PCDH15: variants seen among roughly 807,000 people sequenced by gnomAD.
PCDH15 encodes protocadherin-15.
Under a neutral mutation model 178.5 loss-of-function variants are expected in PCDH15, and 129 were observed. The observed-to-expected ratio is 0.72, with a 90% CI of 0.63 to 0.84. The LOEUF is 0.84. PCDH15 is among the 40% of genes least tolerant of loss of function. The probability of loss-of-function intolerance (pLI) is 0.00; values close to 1 mark genes in which losing one functional copy is unlikely to be tolerated. For missense variants in PCDH15, 2,230 were observed against 2,099.9 expected (o/e 1.06, Z -1.21); for synonymous variants, 800 against 732.0 (o/e 1.09, Z -1.50).
At chr10:54,200,264 G>A (rs1204937744) in intron 10 of PCDH15, among the ~76,000 whole-genome samples, 1 of 124,280 alleles carries the variant, frequency 8.0e-6, no homozygotes, top group South Asian at 2.7e-4. Context: ...CATCTACAGA[G>A]CCCACTTTTT....
chr10:55,580,356 T>A lies in PCDH15; in HGVS notation c.-156+47269A>T, dbSNP rs369976534. ...TATGGCTTCTTCATTTTTTTTATTTTTTTATTTTTTTTTTTTTTTGAGACG... is the reference window on the plus strand; with the variant it reads ...TATGGCTTCTTCATTTTTTTTATTTATTTATTTTTTTTTTTTTTTGAGACG... On this transcript the variant is annotated intron_variant, in intron 2 of 5. Transcript: ENST00000613346. Among the ~76,000 whole-genome samples, 185 of 139,134 alleles carry A rather than the reference T, an allele frequency of 1.3e-3. 1 individual carries two copies. The highest frequency in any genetic ancestry group is 4.0e-3 in the African/African-American group (156 of 38,896). The allele number at this position is 139,134 out of a possible 152,430, so 91.3% of individuals were successfully genotyped here. A position where few individuals can be genotyped will look rare whatever the true frequency, so the allele number is the denominator to read the frequency against.
rs530246771 is a variant in PCDH15, at chr10:53,923,320, T to TGATTAATTG, written c.3373+15486_3373+15494dup. ...AAAGGGATAAGAACAGGAACAAGAT[T>TGATTAATTG]GATTAATTGAACTTACGAAAGTTCC... On this transcript the variant is annotated intron_variant, in intron 25 of 37. Coordinates refer to ENST00000644397, the MANE Select transcript of PCDH15 (RefSeq NM_001384140.1). Among the ~76,000 whole-genome samples, 61 of 152,268 alleles carry TGATTAATTG rather than the reference T, an allele frequency of 4.0e-4. 1 individual carries two copies. In the South Asian group the frequency reaches 0.011, roughly 28 times the overall value.
At chr10:54,884,236 A>G (rs751809017) in intron 3 of PCDH15, among the ~76,000 whole-genome samples, 3 of 152,000 alleles carry the variant, frequency 2.0e-5, no homozygotes, top group Non-Finnish European at 2.9e-5. Flanking sequence ...CCTTTGTTAG[A>G]TAAGTAGTTT....
chr10:55,241,352 T>C (rs547530423), intron 1 of PCDH15, among the ~76,000 whole-genome samples: 72 of 152,342 alleles, frequency 4.7e-4, no homozygotes, highest in Non-Finnish European at 7.8e-4. Context: ...TTTGAGCATT[T>C]ATCACCATTA....
chr10:53,941,023 G>T, intron 23 of PCDH15, 48 bp from the exon 24 acceptor site: 2 of 1,326,824 alleles, frequency 1.5e-6, no homozygotes, highest in African/African-American at 1.5e-5. Context: ...TATAATTTTT[G>T]ATGTAACTTT....
chr10:55,061,849 G>A (rs1025737101), intron 2 of PCDH15, among the ~76,000 whole-genome samples: 2 of 151,968 alleles, frequency 1.3e-5, no homozygotes. Context: ...GTGAAACCCC[G>A]ACTCTACTAA....
intron 15 of PCDH15, among the ~76,000 whole-genome samples, chr10:54,127,030 T>G (rs1298007357): frequency 6.6e-6 from 1 of 152,150 alleles, no homozygotes; most frequent in African/African-American, 2.4e-5. Context: ...ATATTTCAAG[T>G]AAATTATTGT....
intron 1 of PCDH15, among the ~76,000 whole-genome samples, chr10:55,196,765 C>T (rs117505002): frequency 8.7e-4 from 132 of 152,018 alleles, no homozygotes; most frequent in Admixed American, 1.8e-3. Context: ...TCCATACGGA[C>T]GAGTTTTGTC....
At chr10:55,503,557 C>T (rs893147184) in intron 2 of PCDH15, among the ~76,000 whole-genome samples, 1 of 151,028 alleles carries the variant, frequency 6.6e-6, no homozygotes, top group African/African-American at 2.4e-5. Context: ...CAGAGGACAA[C>T]ATTGAAGATA....
At chr10:54,884,425 A>G (rs541649067) in intron 3 of PCDH15, among the ~76,000 whole-genome samples, 1 of 152,122 alleles carries the variant, frequency 6.6e-6, no homozygotes, top group East Asian at 1.9e-4. Context: ...CACTTAAAAT[A>G]AAAAATCAAA....
intron 2 of PCDH15, among the ~76,000 whole-genome samples, chr10:55,564,755 C>T (rs990414687): frequency 2.0e-5 from 3 of 151,644 alleles, no homozygotes; most frequent in African/African-American, 7.2e-5. Flanking sequence ...TGTTAAAAGG[C>T]TGCAAGAGTC....
chr10:54,735,838 G>A (rs1206808941), intron 1 of PCDH15, among the ~76,000 whole-genome samples: 2 of 121,220 alleles, frequency 1.6e-5, no homozygotes, highest in Non-Finnish European at 3.4e-5. Flanking sequence ...GACACAGGAA[G>A]GGGAATATCA....
At chr10:55,347,098 C>T (rs1844782717) in intron 2 of PCDH15, among the ~76,000 whole-genome samples, 1 of 151,952 alleles carries the variant, frequency 6.6e-6, no homozygotes, top group African/African-American at 2.4e-5. Flanking sequence ...ACCTGTAGTC[C>T]CAGCTACTTG....
chr10:55,008,855 G>T (rs1469617663), intron 2 of PCDH15, among the ~76,000 whole-genome samples: 1 of 151,022 alleles, frequency 6.6e-6, no homozygotes, highest in East Asian at 2.0e-4. Context: ...AGCTACAGTG[G>T]TTACTGCTGC....
At chr10:55,104,862 A>G (rs1331666312) in intron 2 of PCDH15, among the ~76,000 whole-genome samples, 1 of 152,208 alleles carries the variant, frequency 6.6e-6, no homozygotes, top group African/African-American at 2.4e-5. Context: ...AATATGCAAG[A>G]ACTTCAGGAG....
intron 29 of PCDH15, among the ~76,000 whole-genome samples, chr10:53,836,040 G>A (rs895354477): frequency 8.5e-5 from 13 of 152,132 alleles, no homozygotes; most frequent in African/African-American, 3.1e-4. Flanking sequence ...AGGAGGAAGT[G>A]TGCCCATCCC....
intron 2 of PCDH15, among the ~76,000 whole-genome samples, chr10:55,460,733 G>T (rs775499623): frequency 6.6e-6 from 1 of 152,018 alleles, no homozygotes; most frequent in Non-Finnish European, 1.5e-5. Flanking sequence ...CTCATTATGG[G>T]TCATATGTTC....
chr10:54,836,483 C>A (rs1055902854), intron 3 of PCDH15, among the ~76,000 whole-genome samples: 1 of 152,008 alleles, frequency 6.6e-6, no homozygotes, highest in Non-Finnish European at 1.5e-5. Context: ...AAGTAATCCA[C>A]CCTATACTGC....
chr10:54,937,983 A>G (rs1317938506), intron 2 of PCDH15, among the ~76,000 whole-genome samples: 2 of 152,034 alleles, frequency 1.3e-5, no homozygotes, highest in Non-Finnish European at 1.5e-5. Context: ...TTAGTTTTCC[A>G]TTGTTGTCCT....
Sources: gnomAD v4.1 joint callset for allele counts (sites outside exome capture counted in the v4.1 genomes callset) on GRCh38, gnomAD v4.1.1 for gene constraint, MANE v1.5 for transcripts, NCBI Gene and HGNC (gene_info 2026-07-23, HGNC 2026-07-21) for gene names.